PDSS2: variants seen among roughly 807,000 people sequenced by gnomAD.
PDSS2 encodes decaprenyl diphosphate synthase subunit 2, also known as all trans-polyprenyl-diphosphate synthase PDSS2.
A neutral mutation model predicts 44.5 loss-of-function variants in PDSS2; 31 were observed. The observed-to-expected ratio is 0.70, with a 90% confidence interval of 0.52 to 0.94. The LOEUF is 0.94. PDSS2 is among the 40% of genes least tolerant of loss of function. The pLI is 0.00. For missense variants in PDSS2, 452 were observed against 482.2 expected, an observed-to-expected ratio of 0.94 and a Z score of 0.59; for synonymous variants, 157 against 180.3, an observed-to-expected ratio of 0.87 and a Z score of 1.03.
intron 2 of PDSS2, among the ~76,000 whole-genome samples, chr6:107,329,556 G>C (rs1265171285): frequency 6.6e-6 from 1 of 152,120 alleles, no homozygotes; most frequent in East Asian, 1.9e-4. Flanking sequence ...AAGGATGCCA[G>C]TTATATTGAG....
rs918437176 is a variant in PDSS2 at position 107,291,504 on chromosome 6, T to C, written c.432-17277A>G. ...CTGGGATTACAGGTGCGCGCCACCA[T>C]ACCCAGCTAATTTTTAGTTAGTTTT... On this transcript the variant is annotated intron_variant, in intron 2 of 7. Coordinates refer to ENST00000369037, the MANE Select transcript of PDSS2 (RefSeq NM_020381.4). 8.0e-5 allele frequency among the ~76,000 whole-genome samples: 12 copies of C among 150,592 alleles called. No homozygotes were observed. The East Asian group carries it at 1.4e-3, about 17-fold the overall frequency.
intron 5 of PDSS2, among the ~76,000 whole-genome samples, chr6:107,211,083 GT>G: frequency 6.6e-6 from 1 of 151,812 alleles, no homozygotes; most frequent in Admixed American, 6.6e-5. Flanking sequence ...CTAGTGGGTG[GT>G]GGTCTTTATT....
At chr6:107,277,666 A>C (rs955938109) in intron 2 of PDSS2, among the ~76,000 whole-genome samples, 2 of 152,124 alleles carry the variant, frequency 1.3e-5, no homozygotes, top group African/African-American at 4.8e-5. Context: ...AATATAGAAT[A>C]ATCAGGCCAG....
intron 6 of PDSS2, among the ~76,000 whole-genome samples, chr6:107,201,128 G>A (rs1426023857): frequency 6.6e-6 from 1 of 152,070 alleles, no homozygotes; most frequent in Non-Finnish European, 1.5e-5. Flanking sequence ...GCAATTCCCT[G>A]AGGGCTTCAT....
At chr6:107,264,302 T>C in intron 3 of PDSS2, 1 of 1,429,630 alleles carries the variant, frequency 7.0e-7, no homozygotes. Context: ...TTTACGCCTT[T>C]AGGAAAACAA....
chr6:107,359,624 T>TAA (rs371733995), intron 1 of PDSS2, among the ~76,000 whole-genome samples: 3 of 127,032 alleles, frequency 2.4e-5, no homozygotes, highest in East Asian at 2.2e-4. Context: ...AGAATGTGTT[T>TAA]AAAAAAAAAA....
intron 2 of PDSS2, among the ~76,000 whole-genome samples, chr6:107,325,465 G>A (rs930079924): frequency 1.6e-4 from 24 of 152,148 alleles, no homozygotes; most frequent in Non-Finnish European, 2.5e-4. Context: ...GCACAAATGC[G>A]AAGAAATTGA....
chr6:107,185,169 G>GAGAAGA (rs1384571535), intron 7 of PDSS2, among the ~76,000 whole-genome samples: 14 of 148,906 alleles, frequency 9.4e-5, no homozygotes, highest in Admixed American at 4.7e-4. Context: ...GAAGGAGAAG[G>GAGAAGA]AGAAGAAGAA....
chr6:107,303,137 T>G (rs1451658296), intron 2 of PDSS2, among the ~76,000 whole-genome samples: 1 of 152,124 alleles, frequency 6.6e-6, no homozygotes, highest in Non-Finnish European at 1.5e-5. Context: ...GCTGTGTCAT[T>G]CCATCGCAGA....
intron 7 of PDSS2, among the ~76,000 whole-genome samples, chr6:107,185,255 G>A (rs7758374): frequency 0.37 from 55,510 of 151,866 alleles, 10,327 homozygotes; most frequent in African/African-American, 0.4. Flanking sequence ...CAAAATGAGC[G>A]CGAATGTCAA....
At chr6:107,279,647 T>G (rs1775895358) in intron 2 of PDSS2, among the ~76,000 whole-genome samples, 1 of 152,130 alleles carries the variant, frequency 6.6e-6, no homozygotes, top group Non-Finnish European at 1.5e-5. Flanking sequence ...TCAGGGATTT[T>G]TTTAAAAAAA....
At chr6:107,154,814 AAAGGTACACAGT>A (rs782383130) in intron 7 of PDSS2, 37 bp from the exon 8 acceptor site, 1 of 1,594,536 alleles carries the variant, frequency 6.3e-7, no homozygotes, top group South Asian at 1.1e-5. Flanking sequence ...AGTCAGTTTT[AAAGGTACACAGT>A]AAGCACCACA....
chr6:107,335,942 C>A (rs569278189), intron 1 of PDSS2, among the ~76,000 whole-genome samples: 31 of 133,926 alleles, frequency 2.3e-4, no homozygotes, highest in African/African-American at 7.4e-4. Flanking sequence ...GGTAACATAG[C>A]CAAAAATAAT....
At chr6:107,374,871 A>G (rs962121150) in intron 1 of PDSS2, among the ~76,000 whole-genome samples, 2 of 151,732 alleles carry the variant, frequency 1.3e-5, no homozygotes, top group African/African-American at 4.8e-5. Context: ...ATAATTTCCG[A>G]TTTTGAGTTC....
At chr6:107,240,647 C>T (rs1053998039) in intron 4 of PDSS2, among the ~76,000 whole-genome samples, 4 of 151,848 alleles carry the variant, frequency 2.6e-5, no homozygotes, top group Non-Finnish European at 5.9e-5. Flanking sequence ...ATCAGCCTGC[C>T]TCCACCTCCC....
rs1339477421 is a variant in PDSS2 at position 107,359,537 on chromosome 6, T to C, written c.297-25205A>G. Among the ~76,000 whole-genome samples, 5 of 151,250 alleles carry C rather than the reference T, an allele frequency of 3.3e-5. No homozygotes were observed. The East Asian group carries it at 5.9e-4, about 18-fold the overall frequency. ...TACTTGGAAGGCTGAGGCATGAGAATTGCTTGGGCCCGGGAAGCGGAGGTT... is the reference window on the plus strand; with the variant it reads ...TACTTGGAAGGCTGAGGCATGAGAACTGCTTGGGCCCGGGAAGCGGAGGTT... On this transcript the variant is annotated intron_variant, in intron 1 of 7. Coordinates refer to ENST00000369037, the MANE Select transcript of PDSS2 (RefSeq NM_020381.4).
chr6:107,308,850 G>C (rs879658447), intron 2 of PDSS2, among the ~76,000 whole-genome samples: 34 of 152,222 alleles, frequency 2.2e-4, no homozygotes, highest in Admixed American at 1.9e-3. Context: ...AGAGTCGACA[G>C]CTGCCATGGA....
chr6:107,388,530 G>C (rs892214754), intron 1 of PDSS2, among the ~76,000 whole-genome samples: 1 of 149,740 alleles, frequency 6.7e-6, no homozygotes, highest in African/African-American at 2.5e-5. Flanking sequence ...CTCACTGCAA[G>C]CTCCGCCTCC....
chr6:107,254,195 G>A (rs1774928198), intron 3 of PDSS2, among the ~76,000 whole-genome samples: 1 of 151,478 alleles, frequency 6.6e-6, no homozygotes, highest in Non-Finnish European at 1.5e-5. Context: ...CACCATACCT[G>A]GCTAATTTTT....
Sources: gnomAD v4.1 joint callset for allele counts (sites outside exome capture counted in the v4.1 genomes callset) on GRCh38, gnomAD v4.1.1 for gene constraint, MANE v1.5 for transcripts, NCBI Gene and HGNC (gene_info 2026-07-23, HGNC 2026-07-21) for gene names.